SHISA6: variants seen among roughly 807,000 people sequenced by gnomAD.
SHISA6 encodes the protein protein shisa-6.
In SHISA6, 22 loss-of-function variants were observed where a neutral mutation model predicts 47.9. The ratio of observed to expected loss-of-function variants is 0.46; its 90% CI spans 0.33 to 0.66. The LOEUF (loss-of-function observed/expected upper bound fraction) is 0.66. SHISA6 is among the 30% of genes least tolerant of loss of function. The pLI, the probability that SHISA6 is intolerant of heterozygous loss-of-function variation, is 0.02. For missense variants in SHISA6, 680 were observed against 764.6 expected (o/e 0.89, Z 1.30); for synonymous variants, 388 against 337.8 (o/e 1.15, Z -1.63).
chr17:11,481,336 A>ATGTGTGTGTGTGTGTG (rs3038693), intron 3 of SHISA6, among the ~76,000 whole-genome samples: 1 of 141,500 alleles, frequency 7.1e-6, no homozygotes, highest in Non-Finnish European at 1.5e-5. Flanking sequence ...AAAAATATAT[A>ATGTGTGTGTGTGTGTG]TGTGTGTGTG....
intron 2 of SHISA6, among the ~76,000 whole-genome samples, chr17:11,277,280 T>TCTCACACACACACACA (rs1386997909): frequency 1.1e-4 from 6 of 53,924 alleles, no homozygotes; most frequent in Admixed American, 2.8e-4. Flanking sequence ...TCTCTCTCTC[T>TCTCACACACACACACA]CACACACACA....
Position 11,487,635 on chromosome 17 carries a change from A to G in SHISA6, c.896-64261A>G, listed in dbSNP as rs372370014. Among the ~76,000 whole-genome samples, 11 of 152,236 alleles carry G rather than the reference A, an allele frequency of 7.2e-5. No homozygotes were observed. In the East Asian group the frequency reaches 1.5e-3, roughly 21 times the overall value. ...CCAAATAATAGGATTAGCCTCAGCT[A>G]AAGTGTACTAATGCCCCTGACTCTT... On this transcript the variant is annotated intron_variant, in intron 3 of 5. Coordinates refer to ENST00000441885, the MANE Select transcript of SHISA6 (RefSeq NM_207386.4).
At chr17:11,275,624 G>A (rs1182028672) in intron 2 of SHISA6, among the ~76,000 whole-genome samples, 1 of 152,160 alleles carries the variant, frequency 6.6e-6, no homozygotes, top group Admixed American at 6.5e-5. Context: ...AAAGAAAGTA[G>A]GAAGTGATGA....
chr17:11,452,054 C>T (rs1281104440), intron 3 of SHISA6, among the ~76,000 whole-genome samples: 1 of 152,196 alleles, frequency 6.6e-6, no homozygotes, highest in African/African-American at 2.4e-5. Context: ...AGCAGCAATG[C>T]CTGGCTCTGT....
chr17:11,291,077 A>G (rs540600593), intron 2 of SHISA6, among the ~76,000 whole-genome samples: 7 of 152,142 alleles, frequency 4.6e-5, no homozygotes, highest in East Asian at 1.9e-4. Context: ...TCCAGTAGCT[A>G]TGTATTCAGA....
intron 3 of SHISA6, among the ~76,000 whole-genome samples, chr17:11,543,894 A>G (rs2071855453): frequency 6.9e-6 from 1 of 143,898 alleles, no homozygotes; most frequent in Non-Finnish European, 1.5e-5. Flanking sequence ...TTCTAGAGCA[A>G]TTGGATATTT....
At chr17:11,308,499 C>A (rs1910207511) in intron 2 of SHISA6, among the ~76,000 whole-genome samples, 1 of 152,150 alleles carries the variant, frequency 6.6e-6, no homozygotes, top group African/African-American at 2.4e-5. Context: ...TACCAAAGGC[C>A]ACAGTATCTC....
chr17:11,485,654 C>G (rs1022033529), intron 3 of SHISA6, among the ~76,000 whole-genome samples: 2 of 148,246 alleles, frequency 1.3e-5, no homozygotes, highest in African/African-American at 5.0e-5. Context: ...TCACGACCTA[C>G]GAGAACATGA....
intron 3 of SHISA6, among the ~76,000 whole-genome samples, chr17:11,394,016 T>C (rs1913480596): frequency 6.6e-6 from 1 of 152,252 alleles, no homozygotes; most frequent in African/African-American, 2.4e-5. Context: ...GAAAATTATA[T>C]CTTTCATAAT....
chr17:11,462,282 A>G (rs1915711580), intron 3 of SHISA6, among the ~76,000 whole-genome samples: 1 of 152,150 alleles, frequency 6.6e-6, no homozygotes, highest in African/African-American at 2.4e-5. Flanking sequence ...GATGCCATGC[A>G]TTCTAAGGCT....
At chr17:11,465,974 G>A (rs1226523114) in intron 3 of SHISA6, among the ~76,000 whole-genome samples, 2 of 152,210 alleles carry the variant, frequency 1.3e-5, no homozygotes, top group Admixed American at 6.5e-5. Context: ...CCCAAAGAAA[G>A]TTCTTATAAA....
At chr17:11,506,332 A>G (rs1011625515) in intron 3 of SHISA6, among the ~76,000 whole-genome samples, 10 of 151,816 alleles carry the variant, frequency 6.6e-5, no homozygotes, top group African/African-American at 1.2e-4. Flanking sequence ...ACTGTCTGCA[A>G]TTACTTTGGG....
chr17:11,262,120 C>A (rs185831410), intron 1 of SHISA6, among the ~76,000 whole-genome samples: 4 of 152,314 alleles, frequency 2.6e-5, no homozygotes, highest in Admixed American at 1.3e-4. Context: ...AAGGATCCAA[C>A]TCCCTTCTTT....
At chr17:11,436,879 C>T (rs893495840) in intron 3 of SHISA6, among the ~76,000 whole-genome samples, 2 of 152,124 alleles carry the variant, frequency 1.3e-5, no homozygotes, top group Non-Finnish European at 2.9e-5. Context: ...GCTTTTTCAA[C>T]CAAAAGGCAA....
chr17:11,367,142 C>T (rs569933619), intron 2 of SHISA6, among the ~76,000 whole-genome samples: 6 of 152,114 alleles, frequency 3.9e-5, no homozygotes, highest in East Asian at 1.9e-4. Context: ...AGAAATGGGA[C>T]GGTGACTTGG....
At chr17:11,258,848 C>T (rs1325376902) in intron 1 of SHISA6, among the ~76,000 whole-genome samples, 3 of 152,172 alleles carry the variant, frequency 2.0e-5, no homozygotes, top group African/African-American at 7.2e-5. Context: ...GTCTTTGCCC[C>T]AACGATTAAA....
chr17:11,242,948 C>T (rs916791863), intron 1 of SHISA6, among the ~76,000 whole-genome samples: 1 of 152,136 alleles, frequency 6.6e-6, no homozygotes, highest in African/African-American at 2.4e-5. Flanking sequence ...AGGAATGACA[C>T]ACCCAGAGGA....
In SHISA6 at chr17:11,376,980, T is replaced by C. The variant is rs371138792; in HGVS notation, c.800-2434T>C. On this transcript the variant is annotated intron_variant, in intron 2 of 5. Coordinates refer to ENST00000441885, the MANE Select transcript of SHISA6 (RefSeq NM_207386.4). ...GAAAGCTGAAACTGTCATTGTGCTT[T>C]TTCCACCTCAGTCTCATGAGCAGCT... 8.5e-5 allele frequency among the ~76,000 whole-genome samples: 13 copies of C among 152,304 alleles called. No homozygotes were observed. The East Asian group carries it at 1.2e-3, about 14-fold the overall frequency.
intron 2 of SHISA6, among the ~76,000 whole-genome samples, chr17:11,317,164 G>C (rs1047932091): frequency 8.6e-5 from 13 of 151,522 alleles, no homozygotes; most frequent in Non-Finnish European, 1.8e-4. Flanking sequence ...TTTACTATTT[G>C]GCTCTATATT....
Sources: allele counts gnomAD v4.1 joint callset (sites outside exome capture counted in the v4.1 genomes callset), GRCh38; gene constraint gnomAD v4.1.1; transcripts MANE v1.5; gene names NCBI Gene and HGNC (gene_info 2026-07-23, HGNC 2026-07-21).